Variants in SLC8A3 observed in about 807,000 individuals in gnomAD.
SLC8A3 encodes the protein solute carrier family 8 member A3.
In SLC8A3, 37 loss-of-function variants were observed where a neutral mutation model predicts 65.4. That is an observed-to-expected ratio of 0.57 (90% CI 0.44 to 0.74). The LOEUF is 0.74. SLC8A3 is among the 30% of genes least tolerant of loss of function. SLC8A3 has a pLI of 0.00. For synonymous variants in SLC8A3, 461 were observed against 444.5 expected, an observed-to-expected ratio of 1.04 and a Z score of -0.47; for missense variants, 1,112 against 1,172.1, an observed-to-expected ratio of 0.95 and a Z score of 0.75.
At chr14:70,174,677 TTTTTTTTTTTTTTG>T (rs1897782861) in intron 1 of SLC8A3, among the ~76,000 whole-genome samples, 1 of 131,720 alleles carries the variant, frequency 7.6e-6, no homozygotes, top group Middle Eastern at 3.5e-3. Flanking sequence ...TTTTTTTTTT[TTTTTTTTTTTTTTG>T]CCTATTAAGG....
chr14:70,137,391 C>T (rs1895274308), intron 2 of SLC8A3, among the ~76,000 whole-genome samples: 2 of 152,176 alleles, frequency 1.3e-5, no homozygotes, highest in South Asian at 4.1e-4. Context: ...ATCCACCCCA[C>T]ATCGGCCTCC....
chr14:70,109,446 C>T (rs533938346), intron 2 of SLC8A3, among the ~76,000 whole-genome samples: 1,309 of 68,126 alleles, frequency 0.019, 25 homozygotes, highest in African/African-American at 0.062. Context: ...TGTATATGTA[C>T]GTGTGTGTAT....
At chr14:70,137,786 C>CTT (rs36057761) in intron 2 of SLC8A3, among the ~76,000 whole-genome samples, 57,684 of 131,986 alleles carry the variant, frequency 0.44, 13,277 homozygotes, top group South Asian at 0.67. Flanking sequence ...CTGGTGGTGC[C>CTT]TTTTTTTTTT....
At chr14:70,110,355 C>T (rs1893201398) in intron 2 of SLC8A3, among the ~76,000 whole-genome samples, 1 of 149,254 alleles carries the variant, frequency 6.7e-6, no homozygotes, top group Non-Finnish European at 1.5e-5. Context: ...CCCTTCCCAG[C>T]CTCTGGTAAC....
At chr14:70,142,086 G>A (rs1895615514) in intron 2 of SLC8A3, among the ~76,000 whole-genome samples, 1 of 152,224 alleles carries the variant, frequency 6.6e-6, no homozygotes, top group African/African-American at 2.4e-5. Flanking sequence ...GCAGCCCCAT[G>A]TGAGCCAGGA....
At chr14:70,177,971 G>A (rs1594816119) in intron 1 of SLC8A3, among the ~76,000 whole-genome samples, 1 of 152,270 alleles carries the variant, frequency 6.6e-6, no homozygotes, top group East Asian at 1.9e-4. Context: ...GTGGGAAAAG[G>A]GCTGCTGGGG....
intron 2 of SLC8A3, among the ~76,000 whole-genome samples, chr14:70,122,230 C>G (rs1206511596): frequency 6.6e-6 from 1 of 152,160 alleles, no homozygotes; most frequent in South Asian, 2.1e-4. Flanking sequence ...GCTCCCACTC[C>G]CACACCATAC....
chr14:70,126,547 T>TTCTCTCTCTCTC (rs36183214), intron 2 of SLC8A3, among the ~76,000 whole-genome samples: 2,948 of 117,604 alleles, frequency 0.025, 35 homozygotes, highest in East Asian at 0.083. Context: ...AGAAAGAAAA[T>TTCTCTCTCTCTC]TCTCTCTCTC....
intron 2 of SLC8A3, among the ~76,000 whole-genome samples, chr14:70,088,433 A>G (rs969796100): frequency 6.6e-6 from 1 of 151,976 alleles, no homozygotes; most frequent in Non-Finnish European, 1.5e-5. Context: ...TCTCTCTGCT[A>G]CTCTCAGGTA....
At chr14:70,126,004 T>C (rs567303622) in intron 2 of SLC8A3, among the ~76,000 whole-genome samples, 1 of 152,352 alleles carries the variant, frequency 6.6e-6, no homozygotes, top group African/African-American at 2.4e-5. Context: ...AATAAAGCAG[T>C]TCTGCTGCAT....
intron 2 of SLC8A3, among the ~76,000 whole-genome samples, chr14:70,110,449 T>C (rs1189813629): frequency 2.0e-5 from 3 of 152,138 alleles, no homozygotes; most frequent in African/African-American, 7.2e-5. Context: ...GATGTTTTTC[T>C]TTCTGTGCCT....
chr14:70,172,909 G>A (rs780711168), intron 1 of SLC8A3, among the ~76,000 whole-genome samples: 11 of 152,122 alleles, frequency 7.2e-5, no homozygotes, highest in African/African-American at 1.7e-4. Flanking sequence ...CAAAAAAAAG[G>A]AAAGTGGGAA....
chr14:70,107,906 T>A (rs1328108987), intron 2 of SLC8A3, among the ~76,000 whole-genome samples: 2 of 152,074 alleles, frequency 1.3e-5, no homozygotes, highest in Non-Finnish European at 2.9e-5. Flanking sequence ...ATCATTCAGG[T>A]CAGGTCTGAA....
At chr14:70,107,127 T>C (rs28472318) in intron 2 of SLC8A3, among the ~76,000 whole-genome samples, 9,672 of 152,148 alleles carry the variant, frequency 0.064, 339 homozygotes, top group Non-Finnish European at 0.072. Flanking sequence ...TTGGTTCTGA[T>C]TTCAACAGAA....
At chr14:70,126,806 G>A (rs1001783907) in intron 2 of SLC8A3, among the ~76,000 whole-genome samples, 10 of 151,816 alleles carry the variant, frequency 6.6e-5, no homozygotes, top group African/African-American at 2.4e-4. Flanking sequence ...CTTTTTGAGT[G>A]CCAATATGAC....
intron 2 of SLC8A3, among the ~76,000 whole-genome samples, chr14:70,077,303 C>T (rs761128551): frequency 1.3e-5 from 2 of 152,154 alleles, no homozygotes; most frequent in Non-Finnish European, 2.9e-5. Context: ...TCCACAACAT[C>T]TTTCCTTATT....
At chr14:70,134,968 A>C (rs2140245790) in intron 2 of SLC8A3, among the ~76,000 whole-genome samples, 1 of 152,316 alleles carries the variant, frequency 6.6e-6, no homozygotes, top group Non-Finnish European at 1.5e-5. Context: ...GGACCTCTCT[A>C]ATCGTATATA....
At position 70,046,052 on chromosome 14, in the gene SLC8A3, G is replaced by C; in HGVS notation, c.2661C>G (p.Gly887=). ...RRPHLGGELG[G]PRGCKLATTW... ...TTGTGGCGAGCTTGCAGCCACGGGGGCCACCAAGCTCCCCTCCCAGGTGCG... is the reference window on the plus strand; with the variant it reads ...TTGTGGCGAGCTTGCAGCCACGGGGCCCACCAAGCTCCCCTCCCAGGTGCG... The change falls in exon 7 of 7, where the codon GGC becomes GGG. Residue 887 remains glycine (G), a synonymous_variant. Coordinates refer to ENST00000356921, the MANE Select transcript of SLC8A3 (RefSeq NM_182932.3). This position sits in a 1 kb window ranked among gnomAD's most constrained non-coding sequence, Gnocchi z 4.2. 1 of 1,614,058 alleles carries C rather than the reference G, an allele frequency of 6.2e-7. No homozygotes were observed. Among genetic ancestry groups the C allele is most frequent in the East Asian group, 2.2e-5 (1 of 44,880 alleles).
intron 2 of SLC8A3, among the ~76,000 whole-genome samples, chr14:70,074,894 G>A (rs759848764): frequency 1.8e-4 from 27 of 152,150 alleles, no homozygotes; most frequent in Non-Finnish European, 3.1e-4. Flanking sequence ...TAACCCTAGG[G>A]AGGCGACTCT....
Sources: allele counts gnomAD v4.1 joint callset (sites outside exome capture counted in the v4.1 genomes callset), GRCh38; gene constraint gnomAD v4.1.1; non-coding constraint Gnocchi (gnomAD v3.1); transcripts MANE v1.5; gene names NCBI Gene and HGNC (gene_info 2026-07-23, HGNC 2026-07-21).